CLIP1: variants seen among roughly 807,000 people sequenced by gnomAD.
CLIP1 encodes the protein CAP-Gly domain-containing linker protein 1.
Under a neutral mutation model 161.6 loss-of-function variants are expected in CLIP1, and 66 were observed. The observed-to-expected ratio is 0.41, with a 90% CI of 0.33 to 0.50. The LOEUF is 0.50. CLIP1 is among the 20% of genes least tolerant of loss of function. The pLI is 0.27. For synonymous variants in CLIP1, 598 were observed against 626.2 expected (o/e 0.96, Z 0.67); for missense variants, 1,376 against 1,702.0 (o/e 0.81, Z 3.37).
intron 11 of CLIP1, among the ~76,000 whole-genome samples, chr12:122,336,966 T>TG (rs936867551): frequency 8.6e-5 from 13 of 151,358 alleles, no homozygotes; most frequent in Non-Finnish European, 1.8e-4. Flanking sequence ...TTTTGTGTTT[T>TG]TTTTTTTTTC....
chr12:122,365,642 A>AAAAAT (rs1954109566), intron 3 of CLIP1: 4 of 835,308 alleles, frequency 4.8e-6, no homozygotes, highest in African/African-American at 3.5e-5. Context: ...ATAGATGTTA[A>AAAAAT]AAAATAAAAT....
rs930394093 is a variant in CLIP1 at position 122,271,540 on chromosome 12, C to T, written c.*1335G>A. 22 of 152,572 alleles carry T rather than the reference C, an allele frequency of 1.4e-4. No individual in the cohort carries two copies. The highest frequency in any genetic ancestry group is 5.3e-4 in the African/African-American group (22 of 41,430). The allele number at this position is 152,572 out of a possible 1,614,324, so 9.5% of individuals were successfully genotyped here. On this transcript the variant is annotated 3_prime_UTR_variant, in exon 26 of 26. Transcript: ENST00000620786. Reference sequence around the variant, plus strand: ...GAAACAATTCGTATTACATTTATAACCAAAAATTTCAACTGGTACCAGATT... The same window carrying T: ...GAAACAATTCGTATTACATTTATAATCAAAAATTTCAACTGGTACCAGATT...
intron 19 of CLIP1, among the ~76,000 whole-genome samples, chr12:122,314,274 G>C (rs561383899): frequency 7.2e-6 from 1 of 138,594 alleles, no homozygotes; most frequent in South Asian, 2.2e-4. Flanking sequence ...CTGGGCTAAA[G>C]GGTGAGACTC....
intron 4 of CLIP1, among the ~76,000 whole-genome samples, chr12:122,362,533 C>A (rs1426899278): frequency 2.0e-5 from 3 of 147,172 alleles, no homozygotes; most frequent in African/African-American, 7.5e-5. Context: ...CCCAGCTACT[C>A]GGGAGGCTGA....
At chr12:122,337,450 A>G (rs1952280364) in intron 11 of CLIP1, among the ~76,000 whole-genome samples, 1 of 71,044 alleles carries the variant, frequency 1.4e-5, no homozygotes, top group African/African-American at 6.6e-5. Flanking sequence ...TGCCTCAAAA[A>G]AAAAAAAAAA....
At chr12:122,400,909 A>G (rs1264633439) in intron 1 of CLIP1, 1 of 92,416 alleles carries the variant, frequency 1.1e-5, no homozygotes, top group Non-Finnish European at 1.9e-5. Flanking sequence ...CCAACTCCGG[A>G]TCCTTTTTTT....
At chr12:122,310,427 C>G (rs1303093733) in intron 19 of CLIP1, among the ~76,000 whole-genome samples, 1 of 152,008 alleles carries the variant, frequency 6.6e-6, no homozygotes, top group Non-Finnish European at 1.5e-5. Flanking sequence ...GGCGGAATGC[C>G]CCAAGGAAAT....
intron 21 of CLIP1, among the ~76,000 whole-genome samples, chr12:122,286,215 G>C (rs748275161): frequency 3.3e-5 from 5 of 151,922 alleles, no homozygotes; most frequent in African/African-American, 1.2e-4. Flanking sequence ...AATAAAAACC[G>C]CACATTTTAA....
At chr12:122,316,110 T>C (rs1951258663) in intron 19 of CLIP1, among the ~76,000 whole-genome samples, 1 of 151,740 alleles carries the variant, frequency 6.6e-6, no homozygotes. Context: ...CCCAGAACTT[T>C]GGGAGGCTGA....
At chr12:122,413,972 G>C (rs551869034) in intron 1 of CLIP1, among the ~76,000 whole-genome samples, 1 of 152,148 alleles carries the variant, frequency 6.6e-6, no homozygotes, top group South Asian at 2.1e-4. Context: ...CAAATTCAAG[G>C]TTGGCTAATT....
intron 1 of CLIP1, among the ~76,000 whole-genome samples, chr12:122,390,283 T>TATATATATATATATATACATAC (rs1955582717): frequency 1.4e-5 from 1 of 74,044 alleles, no homozygotes; most frequent in African/African-American, 3.6e-5. Context: ...TATATACATA[T>TATATATATATATATATACATAC]ATATATATAT....
At position 122,413,758 on chromosome 12, in the gene CLIP1, T is replaced by C. The variant is rs559124086; in HGVS notation, c.-107+8763A>G. On this transcript the variant is annotated intron_variant, in intron 1 of 25. Transcript: ENST00000620786. ...CCTCTTTTGAGAGATTTTGAAAGCA[T>C]ACTTTTAAGATTTTGTTGCTGAACC... Among the ~76,000 whole-genome samples the C allele has an allele frequency of 2.6e-4, 40 of 152,240 alleles. 1 individual carries two copies. Among genetic ancestry groups the C allele is most frequent in the African/African-American group, 9.6e-4 (40 of 41,562 alleles).
In CLIP1 at chr12:122,355,384, T is replaced by C. The variant is rs1419985117; in HGVS notation, c.1006-72A>G. 1 of 1,392,080 alleles carries C rather than the reference T, an allele frequency of 7.2e-7. No homozygotes were observed. The highest frequency in any genetic ancestry group is 1.0e-6 in the Non-Finnish European group (1 of 995,798). 86.2% of individuals were successfully genotyped at this position (1,392,080 alleles called of 1,614,324 possible). A position where few individuals can be genotyped will look rare whatever the true frequency, so the allele number is the denominator to read the frequency against. Reference sequence around the variant, plus strand: ...AAGCGAGGGAGGCGCGATGCATGCATGGCGGGCATCTGCTCGGCAAAGCAA... The same window carrying C: ...AAGCGAGGGAGGCGCGATGCATGCACGGCGGGCATCTGCTCGGCAAAGCAA... On this transcript the variant is annotated intron_variant, in intron 5 of 25. Coordinates refer to ENST00000620786, the MANE Select transcript of CLIP1 (RefSeq NM_001247997.2). This position sits in a 1 kb window ranked among gnomAD's most constrained non-coding sequence, Gnocchi z 4.1.
At chr12:122,339,833 G>A (rs1429551743) in intron 11 of CLIP1, among the ~76,000 whole-genome samples, 2 of 152,148 alleles carry the variant, frequency 1.3e-5, no homozygotes, top group African/African-American at 4.8e-5. Flanking sequence ...GGGCTACGTG[G>A]CACAGCCTAT....
intron 1 of CLIP1, among the ~76,000 whole-genome samples, chr12:122,413,581 T>C (rs1956619348): frequency 2.0e-5 from 3 of 152,220 alleles, no homozygotes; most frequent in Non-Finnish European, 2.9e-5. Flanking sequence ...GGAAGTATTT[T>C]AGAGCTTACG....
At chr12:122,416,294 C>A (rs1956754411) in intron 1 of CLIP1, among the ~76,000 whole-genome samples, 2 of 152,116 alleles carry the variant, frequency 1.3e-5, no homozygotes, top group Non-Finnish European at 2.9e-5. Flanking sequence ...CACATCTGAA[C>A]ATCAAGTACT....
chr12:122,377,347 T>G (rs778400786), intron 3 of CLIP1, 42 bp downstream of exon 3: 35 of 1,543,830 alleles, frequency 2.3e-5, no homozygotes, highest in Non-Finnish European at 3.1e-5. Flanking sequence ...GGTGTTTATA[T>G]CTCAGTTCAA....
chr12:122,334,608 A>AT (rs779701595), intron 13 of CLIP1, 40 bp downstream of exon 13: 12 of 1,402,168 alleles, frequency 8.6e-6, no homozygotes, highest in Admixed American at 2.0e-5. Flanking sequence ...AAAGAATGAT[A>AT]TTTTTTAAAG....
At position 122,377,974 on chromosome 12, in the gene CLIP1, A is replaced by G. The variant is rs753701575; in HGVS notation, c.86-14T>C. On this transcript the variant is annotated splice_polypyrimidine_tract_variant and intron_variant, in intron 2 of 25. Coordinates refer to ENST00000620786, the MANE Select transcript of CLIP1 (RefSeq NM_001247997.2). ...CTGGAGCTACAACTGAAAACAAAAG[A>G]TCATAAGAGATTCGATTTAATTTTC... 1 of 1,566,382 alleles carries G rather than the reference A, an allele frequency of 6.4e-7. No homozygotes were observed. Among genetic ancestry groups the G allele is most frequent in the East Asian group, 2.2e-5 (1 of 44,596 alleles).
Sources: gnomAD v4.1 joint callset for allele counts (sites outside exome capture counted in the v4.1 genomes callset) on GRCh38, gnomAD v4.1.1 for gene constraint, Gnocchi (gnomAD v3.1) non-coding constraint, MANE v1.5 for transcripts, NCBI Gene and HGNC (gene_info 2026-07-23, HGNC 2026-07-21) for gene names.